Variants in GPHN observed in about 807,000 individuals in gnomAD.
The protein encoded by GPHN is gephyrin.
In GPHN, 17 loss-of-function variants were observed where a neutral mutation model predicts 95.5. That is an observed-to-expected ratio of 0.18 (90% confidence interval 0.12 to 0.27). GPHN has a LOEUF of 0.27. GPHN is among the 10% of genes least tolerant of loss of function. The pLI is 1.00. For missense variants in GPHN, 660 were observed against 978.1 expected (o/e 0.67, Z 4.34); for synonymous variants, 320 against 322.5 (o/e 0.99, Z 0.08).
chr14:66,829,508 A>G (rs1259771977), intron 4 of GPHN, among the ~76,000 whole-genome samples: 4 of 152,148 alleles, frequency 2.6e-5, no homozygotes, highest in African/African-American at 9.7e-5. Flanking sequence ...TTTTCCCTTT[A>G]TGTCCCATTA....
At chr14:67,674,265 G>GGACGCGGAGGGAGGA in the GPHN span, 6 of 1,029,474 alleles carry the variant, frequency 5.8e-6, no homozygotes, top group African/African-American at 1.0e-4. Flanking sequence ...GCGTGTCTGA[G>GGACGCGGAGGGAGGA]GACGCGGAGG....
the GPHN span, among the ~76,000 whole-genome samples, chr14:67,413,933 T>C: frequency 0.079 from 11,965 of 152,270 alleles, 1,247 homozygotes; most frequent in East Asian, 0.43. Context: ...TTAAATAACT[T>C]GCCCAAGGTT....
At chr14:66,909,760 A>G (rs2065575379) in intron 5 of GPHN, among the ~76,000 whole-genome samples, 1 of 151,884 alleles carries the variant, frequency 6.6e-6, no homozygotes, top group South Asian at 2.1e-4. Context: ...CTTCTGTCCA[A>G]TATTGTACAA....
intron 9 of GPHN, among the ~76,000 whole-genome samples, chr14:67,014,248 A>G (rs1040458228): frequency 6.6e-6 from 1 of 152,142 alleles, no homozygotes; most frequent in African/African-American, 2.4e-5. Flanking sequence ...ATGTATCTCT[A>G]AGCAAGCACT....
the GPHN span, chr14:67,302,202 A>C: frequency 7.1e-7 from 1 of 1,405,158 alleles, no homozygotes; most frequent in South Asian, 1.6e-5. Flanking sequence ...TCAGAATTCT[A>C]ATGAATAGAG....
intron 4 of GPHN, among the ~76,000 whole-genome samples, chr14:66,850,156 C>G (rs1432266283): frequency 6.6e-6 from 1 of 152,026 alleles, no homozygotes; most frequent in Non-Finnish European, 1.5e-5. Flanking sequence ...AATTAATGGT[C>G]TATTCATAGA....
chr14:66,755,050 A>G (rs903831756), intron 2 of GPHN, among the ~76,000 whole-genome samples: 5 of 152,148 alleles, frequency 3.3e-5, no homozygotes, highest in South Asian at 4.1e-4. Flanking sequence ...TAGTCTTCCT[A>G]CTTGCTTAGA....
chr14:67,634,371 T>A, the GPHN span, among the ~76,000 whole-genome samples: 1 of 149,086 alleles, frequency 6.7e-6, no homozygotes, highest in Non-Finnish European at 1.5e-5. Context: ...GGTGGATGGA[T>A]CACTTAAGCC....
chr14:66,747,663 A>AT (rs2058205290), intron 2 of GPHN, among the ~76,000 whole-genome samples: 3 of 151,592 alleles, frequency 2.0e-5, no homozygotes, highest in East Asian at 3.9e-4. Context: ...TTGTTTTATT[A>AT]TTTTTTCTTT....
chr14:67,169,904 CT>C (rs1778296231), intron 21 of GPHN, among the ~76,000 whole-genome samples: 1 of 152,172 alleles, frequency 6.6e-6, no homozygotes, highest in Non-Finnish European at 1.5e-5. Context: ...TGGTGAAACC[CT>C]GTCTCTACTA....
At chr14:67,362,476 C>T in the GPHN span, among the ~76,000 whole-genome samples, 1 of 152,054 alleles carries the variant, frequency 6.6e-6, no homozygotes, top group Non-Finnish European at 1.5e-5. Context: ...AATGTTTTTA[C>T]GTATACATGT....
At chr14:67,263,465 T>G in the GPHN span, among the ~76,000 whole-genome samples, 2 of 152,178 alleles carry the variant, frequency 1.3e-5, no homozygotes, top group African/African-American at 2.4e-5. Flanking sequence ...TAAAAGAGAA[T>G]CTCTATGAAC....
the GPHN span, among the ~76,000 whole-genome samples, chr14:67,310,925 C>T: frequency 3.9e-5 from 6 of 152,164 alleles, no homozygotes; most frequent in African/African-American, 1.2e-4. Context: ...GTCAGTGTCT[C>T]AAGTGCTTAA....
At chr14:67,661,120 AT>A in the GPHN span, among the ~76,000 whole-genome samples, 3 of 151,924 alleles carry the variant, frequency 2.0e-5, no homozygotes, top group Non-Finnish European at 4.4e-5. Flanking sequence ...CCAAAAGAGA[AT>A]TTTTTCTCCA....
chr14:66,822,648 C>T (rs1162404569), intron 3 of GPHN, among the ~76,000 whole-genome samples: 1 of 152,112 alleles, frequency 6.6e-6, no homozygotes, highest in Non-Finnish European at 1.5e-5. Flanking sequence ...CAGGAGCATT[C>T]TTCAGTATAA....
intron 1 of GPHN, among the ~76,000 whole-genome samples, chr14:66,582,232 A>G (rs1011746938): frequency 3.9e-5 from 6 of 152,096 alleles, no homozygotes; most frequent in Non-Finnish European, 8.8e-5. Flanking sequence ...CAGAAGGAAT[A>G]TTGCAACATT....
At chr14:67,439,475 A>T in the GPHN span, among the ~76,000 whole-genome samples, 1 of 152,220 alleles carries the variant, frequency 6.6e-6, no homozygotes, top group Admixed American at 6.5e-5. Flanking sequence ...AGGTTGAAAG[A>T]TTCATCCTAG....
chr14:67,727,509 T>A, the GPHN span: 49 of 341,636 alleles, frequency 1.4e-4, 1 homozygote, highest in Non-Finnish European at 2.5e-4. Flanking sequence ...GAGACTTGAG[T>A]TTCGCTCTTG....
At chr14:67,023,389 T>G (rs1477561721) in intron 9 of GPHN, among the ~76,000 whole-genome samples, 2 of 152,132 alleles carry the variant, frequency 1.3e-5, no homozygotes, top group Non-Finnish European at 2.9e-5. Flanking sequence ...CACCTTTGGT[T>G]TATCTCTGTG....
Sources: allele counts gnomAD v4.1 joint callset (sites outside exome capture counted in the v4.1 genomes callset), GRCh38; gene constraint gnomAD v4.1.1; transcripts MANE v1.5; gene names NCBI Gene and HGNC (gene_info 2026-07-23, HGNC 2026-07-21).